The following PIP4K2B variants were observed in gnomAD, a reference collection of about 807,000 sequenced individuals.
The protein encoded by PIP4K2B is phosphatidylinositol-5-phosphate 4-kinase type 2 beta.
PIP4K2B carries 3 observed loss-of-function variants against 42.0 expected under a neutral mutation model. The ratio of observed to expected loss-of-function variants is 0.07; its 90% CI spans 0.03 to 0.18. The LOEUF is 0.18. Ranked by LOEUF, PIP4K2B falls within the 10% of genes least tolerant of loss-of-function variation. The pLI, the probability that PIP4K2B is intolerant of heterozygous loss-of-function variation, is 1.00. For missense variants in PIP4K2B, 332 were observed against 562.3 expected, an observed-to-expected ratio of 0.59 and a Z score of 4.14; for synonymous variants, 204 against 210.1, an observed-to-expected ratio of 0.97 and a Z score of 0.25.
chr17:38,767,945 CAGA>C lies in PIP4K2B; in HGVS notation c.*1743_*1745del, dbSNP rs1466423412. 2 of 152,300 alleles carry C rather than the reference CAGA, an allele frequency of 1.3e-5. No homozygotes were observed. Among genetic ancestry groups the C allele is most frequent in the African/African-American group, 4.8e-5 (2 of 41,442 alleles). The allele number at this position is 152,300 out of a possible 1,614,324, so 9.4% of individuals were successfully genotyped here. On this transcript the variant is annotated 3_prime_UTR_variant, in exon 10 of 10. Transcript: ENST00000619039. ...TGGTTTGACCCCCATCTGCCTCTTC[CAGA>C]AGGTTTCCCATCCAATCCAGCAGCC...
At position 38,769,541 on chromosome 17, in the gene PIP4K2B, G is replaced by A. The variant is rs1294521687; in HGVS notation, c.*150C>T. 4.6e-5 allele frequency: 32 copies of A among 689,624 alleles called. No homozygotes were observed. The highest frequency in any genetic ancestry group is 5.1e-5 in the Non-Finnish European group (19 of 374,270). The allele number at this position is 689,624 out of a possible 1,614,324, so 42.7% of individuals were successfully genotyped here. ...CTCCTCTTCAGCTAAAGTCTCTTTC[G>A]GTGTCACAGGCTGCAGTCTCATTGC... On this transcript the variant is annotated 3_prime_UTR_variant, in exon 10 of 10. Coordinates refer to ENST00000619039, the MANE Select transcript of PIP4K2B (RefSeq NM_003559.5).
rs1250639341 is a variant in PIP4K2B at position 38,779,664 on chromosome 17, C to T, written c.508-135G>A. ...AGACCAGTAGTTCTCCAGCTGGGTTCTATGAAGTAATAGGGGTTTCTCAGG... is the reference window on the plus strand; with the variant it reads ...AGACCAGTAGTTCTCCAGCTGGGTTTTATGAAGTAATAGGGGTTTCTCAGG... On this transcript the variant is annotated intron_variant, in intron 4 of 9. Transcript: ENST00000619039. The T allele has an allele frequency of 4.2e-6, 3 of 721,142 alleles. No individual in the cohort carries two copies. In the East Asian group the frequency reaches 8.2e-5, roughly 20 times the overall value. The allele number at this position is 721,142 out of a possible 1,614,324, so 44.7% of individuals were successfully genotyped here.
chr17:38,779,471 A>T lies in PIP4K2B; in HGVS notation c.566T>A (p.Leu189Gln). The change falls in exon 5 of 10, where the codon CTG becomes CAG. Residue 189 changes from leucine to glutamine, a missense_variant. Physicochemically the swap from Leu to Gln is moderately radical, Grantham distance 113. This residue lies in a region of PIP4K2B where 186 missense variants were observed against 288.4 expected (regional missense o/e 0.64). Transcript: ENST00000619039. ...GTAGGTTTCCACACCATCCACGGTC[A>T]GGCGGTACATGCCCAGGAACTGTGG... ...LLPQFLGMYR[L>Q]TVDGVETYMV... The T allele has an allele frequency of 6.2e-7, 1 of 1,614,082 alleles. No homozygotes were observed. Among genetic ancestry groups the T allele is most frequent in the Non-Finnish European group, 8.5e-7 (1 of 1,179,932 alleles).
At chr17:38,782,458 T>C (rs138433525) in intron 3 of PIP4K2B, among the ~76,000 whole-genome samples, 39 of 152,214 alleles carry the variant, frequency 2.6e-4, no homozygotes, top group African/African-American at 9.1e-4. Flanking sequence ...CAAGGAACAA[T>C]GGAGGGAATC....
In PIP4K2B at chr17:38,769,594, C is replaced by G; in HGVS notation, c.*97G>C. 1 of 784,808 alleles carries G rather than the reference C, an allele frequency of 1.3e-6. No homozygotes were observed. The highest frequency in any genetic ancestry group is 2.3e-6 in the Non-Finnish European group (1 of 428,306). 48.6% of individuals were successfully genotyped at this position (784,808 alleles called of 1,614,324 possible). A position where few individuals can be genotyped will look rare whatever the true frequency, so the allele number is the denominator to read the frequency against. On this transcript the variant is annotated 3_prime_UTR_variant, in exon 10 of 10. Transcript: ENST00000619039. ...AAGCCCTCCCAAACCCGACTCTGCT[C>G]CCACCCTCCCATCTAGCCCAAATAC...
intron 5 of PIP4K2B, 149 bp from the exon 6 acceptor site, chr17:38,778,521 A>G: frequency 2.6e-6 from 2 of 767,974 alleles, no homozygotes; most frequent in Non-Finnish European, 4.7e-6. Context: ...TACTGTGTCA[A>G]GCCCACTTAT....
rs756449120 is a variant in PIP4K2B at position 38,779,547 on chromosome 17, AAGAG to A, written c.508-22_508-19del. 6.2e-7 allele frequency: 1 copy of A among 1,608,820 alleles called. No homozygotes were observed. Among genetic ancestry groups the A allele is most frequent in the South Asian group, 1.1e-5 (1 of 90,994 alleles). On this transcript the variant is annotated intron_variant, in intron 4 of 9. Transcript: ENST00000619039. The stretch of plus-strand genomic sequence containing the variant: ...ACTATAAACTAGAATGGAAAGGAAG[AAGAG>A]AGAGGACTAAGGAACAGGCAGTGCC...
intron 7 of PIP4K2B, among the ~76,000 whole-genome samples, chr17:38,771,947 G>A (rs948680978): frequency 6.6e-6 from 1 of 152,124 alleles, no homozygotes; most frequent in Non-Finnish European, 1.5e-5. Context: ...GGAGGATCGC[G>A]TGAGCCCAGG....
chr17:38,780,270 TC>T (rs1909623531), intron 4 of PIP4K2B, among the ~76,000 whole-genome samples, 181 bp downstream of exon 4: 2 of 152,212 alleles, frequency 1.3e-5, no homozygotes, highest in Admixed American at 1.3e-4. Context: ...GCTCCTTTTT[TC>T]TTTTTTAAAG....
At chr17:38,780,681 G>T in intron 3 of PIP4K2B, 77 bp from the exon 4 acceptor site, 1 of 1,440,050 alleles carries the variant, frequency 6.9e-7, no homozygotes, top group Non-Finnish European at 9.5e-7. Context: ...TCCCTCAGGG[G>T]CTGGACTGCT....
rs186145851 is a variant in PIP4K2B at position 38,767,836 on chromosome 17, T to A, written c.*1855A>T. 2 of 152,236 alleles carry A rather than the reference T, an allele frequency of 1.3e-5. No homozygotes were observed. Among genetic ancestry groups the A allele is most frequent in the African/African-American group, 4.8e-5 (2 of 41,460 alleles). 9.4% of individuals were successfully genotyped at this position (152,236 alleles called of 1,614,324 possible). The stretch of plus-strand genomic sequence containing the variant: ...CAAATTTGTTTTCTCCATGAGCCAG[T>A]TGGTTTCAAGTTCCCTAAGTCATGT... On this transcript the variant is annotated 3_prime_UTR_variant, in exon 10 of 10. Transcript: ENST00000619039.
At chr17:38,779,623 T>A in intron 4 of PIP4K2B, 94 bp from the exon 5 acceptor site, 2 of 1,123,822 alleles carry the variant, frequency 1.8e-6, no homozygotes, top group Non-Finnish European at 2.6e-6. Flanking sequence ...CCTGGCTCCC[T>A]GGGATTCTAA....
intron 1 of PIP4K2B, among the ~76,000 whole-genome samples, chr17:38,793,576 T>C (rs1314149388): frequency 6.6e-6 from 1 of 151,840 alleles, no homozygotes; most frequent in Non-Finnish European, 1.5e-5. Context: ...TAGGGCAAGA[T>C]AAAAAGACAG....
At chr17:38,771,345 G>T (rs1001332849) in intron 7 of PIP4K2B, 73 bp from the exon 8 acceptor site, 27 of 1,536,448 alleles carry the variant, frequency 1.8e-5, no homozygotes, top group Non-Finnish European at 2.3e-5. Context: ...ATCCAGAAAG[G>T]GGGGAAAGGC....
At chr17:38,796,020 C>T (rs1034139885) in intron 1 of PIP4K2B, among the ~76,000 whole-genome samples, 1 of 152,092 alleles carries the variant, frequency 6.6e-6, no homozygotes, top group Admixed American at 6.5e-5. Context: ...CATCTGTAAT[C>T]CCAGCTACTG....
chr17:38,798,407 C>A (rs1910761889), intron 1 of PIP4K2B, among the ~76,000 whole-genome samples: 1 of 152,194 alleles, frequency 6.6e-6, no homozygotes, highest in Admixed American at 6.5e-5. Context: ...GATCCAACTT[C>A]CTGGCAGGGG....
At chr17:38,787,639 G>A (rs1427601857) in intron 1 of PIP4K2B, among the ~76,000 whole-genome samples, 1 of 152,126 alleles carries the variant, frequency 6.6e-6, no homozygotes, top group Non-Finnish European at 1.5e-5. Flanking sequence ...TGTTGCCCAG[G>A]CTGGAGTGCA....
intron 8 of PIP4K2B, 38 bp downstream of exon 8, chr17:38,770,976 G>A (rs1001677320): frequency 6.2e-7 from 1 of 1,611,448 alleles, no homozygotes; most frequent in Non-Finnish European, 8.5e-7. Context: ...GTAGGATGAG[G>A]GCAGGGCTGT....
rs768445330 is a variant in PIP4K2B at position 38,799,227 on chromosome 17, G to C, written c.159+39C>G. Reference sequence around the variant, plus strand: ...AGGGCTGCAGGGGGCGTGGGAGCGCGCGGGGCCGCGCTCAGAGGGGCGCGC... The same window carrying C: ...AGGGCTGCAGGGGGCGTGGGAGCGCCCGGGGCCGCGCTCAGAGGGGCGCGC... On this transcript the variant is annotated intron_variant, in intron 1 of 9. Coordinates refer to ENST00000619039, the MANE Select transcript of PIP4K2B (RefSeq NM_003559.5). This position sits in a 1 kb window ranked among gnomAD's most constrained non-coding sequence, Gnocchi z 4.4. 6.5e-7 allele frequency: 1 copy of C among 1,545,458 alleles called. No homozygotes were observed. Among genetic ancestry groups the C allele is most frequent in the Non-Finnish European group, 8.7e-7 (1 of 1,151,468 alleles).
Sources: allele counts gnomAD v4.1 joint callset (sites outside exome capture counted in the v4.1 genomes callset), GRCh38; gene constraint gnomAD v4.1.1; regional missense constraint gnomAD v4.1.1; non-coding constraint Gnocchi (gnomAD v3.1); transcripts MANE v1.5; gene names NCBI Gene and HGNC (gene_info 2026-07-23, HGNC 2026-07-21).